The following ADAMTS18 variants were observed in gnomAD, a reference collection of about 807,000 sequenced individuals.
The protein encoded by ADAMTS18 is A disintegrin and metalloproteinase with thrombospondin motifs 18.
In ADAMTS18, 157 loss-of-function variants were observed where a neutral mutation model predicts 165.9. That is an observed-to-expected ratio of 0.95 (90% CI 0.83 to 1.08). The LOEUF (loss-of-function observed/expected upper bound fraction) is 1.08, where lower values mean the gene tolerates loss of function less well. Ranked by LOEUF, ADAMTS18 falls within the 50% of genes least tolerant of loss-of-function variation. The probability of loss-of-function intolerance (pLI) is 0.00; values close to 1 mark genes in which losing one functional copy is unlikely to be tolerated. For synonymous variants in ADAMTS18, 782 were observed against 578.2 expected (o/e 1.35, Z -5.06); for missense variants, 2,040 against 1,534.0 (o/e 1.33, Z -5.51).
At chr16:77,417,420 A>G (rs184205284) in intron 3 of ADAMTS18, among the ~76,000 whole-genome samples, 3 of 152,324 alleles carry the variant, frequency 2.0e-5, no homozygotes, top group East Asian at 3.9e-4. Flanking sequence ...CTTACCTTAT[A>G]TATTTATAAA....
At position 77,402,669 on chromosome 16, in the gene ADAMTS18, G is replaced by C. The variant is rs115053248; in HGVS notation, c.495+28626C>G. Among the ~76,000 whole-genome samples, 1,012 of 152,274 alleles carry C rather than the reference G, an allele frequency of 6.6e-3. 17 individuals are homozygous for C. Among genetic ancestry groups the C allele is most frequent in the African/African-American group, 0.023 (941 of 41,538 alleles). On this transcript the variant is annotated intron_variant, in intron 3 of 22. Coordinates refer to ENST00000282849, the MANE Select transcript of ADAMTS18 (RefSeq NM_199355.4). Reference sequence around the variant, plus strand: ...TTCCCTTCCCTCATTTGATCAACTTGAATAATTAAAGACTAATGATAGAAA... The same window carrying C: ...TTCCCTTCCCTCATTTGATCAACTTCAATAATTAAAGACTAATGATAGAAA...
At chr16:77,368,323 T>C (rs1366528023) in intron 3 of ADAMTS18, among the ~76,000 whole-genome samples, 1 of 152,192 alleles carries the variant, frequency 6.6e-6, no homozygotes, top group Non-Finnish European at 1.5e-5. Context: ...ATGGACATTC[T>C]GCTGCATTGC....
At chr16:77,358,294 G>C (rs1382882152) in intron 8 of ADAMTS18, among the ~76,000 whole-genome samples, 1 of 152,180 alleles carries the variant, frequency 6.6e-6, no homozygotes, top group Non-Finnish European at 1.5e-5. Flanking sequence ...TACTGGCACT[G>C]TCCGGGCGTG....
At position 77,431,489 on chromosome 16, in the gene ADAMTS18, A is replaced by G. The variant is rs1213044716; in HGVS notation, c.301T>C (p.Phe101Leu). Residue 101 changes from phenylalanine to leucine, a missense_variant, in exon 3 of 23, where the codon TTT (phenylalanine) becomes CTT (leucine). Coordinates refer to ENST00000282849, the MANE Select transcript of ADAMTS18 (RefSeq NM_199355.4). ...QNARSSLHYR[F>L]SAFGQELHLE... ...TGCAGTTCCTGTCCAAATGCTGAAAATCGGTAGTGCAGGGAGCTTCTGGCA... is the reference window on the plus strand; with the variant it reads ...TGCAGTTCCTGTCCAAATGCTGAAAGTCGGTAGTGCAGGGAGCTTCTGGCA... The G allele has an allele frequency of 6.2e-7, 1 of 1,614,182 alleles. No homozygotes were observed.
At chr16:77,322,218 G>T in intron 14 of ADAMTS18, 118 bp downstream of exon 14, 1 of 1,151,568 alleles carries the variant, frequency 8.7e-7, no homozygotes, top group Non-Finnish European at 1.3e-6. Flanking sequence ...TTGCTCTTTC[G>T]CTCCATGCCA....
chr16:77,289,913 C>T (rs187307204), intron 21 of ADAMTS18, among the ~76,000 whole-genome samples: 14 of 152,214 alleles, frequency 9.2e-5, no homozygotes, highest in African/African-American at 2.6e-4. Flanking sequence ...TCTTAGGAGT[C>T]GCTGATTTCA....
At chr16:77,398,171 G>C (rs577778219) in intron 3 of ADAMTS18, among the ~76,000 whole-genome samples, 10 of 152,140 alleles carry the variant, frequency 6.6e-5, no homozygotes, top group African/African-American at 2.2e-4. Context: ...ACAAAAATTA[G>C]CCGGATGTGG....
In ADAMTS18 at chr16:77,367,543, C is replaced by G. The variant is rs751825126; in HGVS notation, c.676G>C (p.Gly226Arg). 1 of 1,614,222 alleles carries G rather than the reference C, an allele frequency of 6.2e-7. No individual in the cohort carries two copies. The highest frequency in any genetic ancestry group is 1.1e-5 in the South Asian group (1 of 91,086). The change falls in exon 4 of 23, where the codon GGT (glycine) becomes CGT (arginine). Residue 226 changes from glycine (G) to arginine (R), a missense_variant. Coordinates refer to ENST00000282849, the MANE Select transcript of ADAMTS18 (RefSeq NM_199355.4). ...TGGGGAATGTGACTTGGGGAGTAAC[C>G]AGGATAATTCCGGCCAGAGCCGGGG... ...GYPGSGRNYPGYSPSHIPHAS... is the reference protein window; with the variant it reads ...GYPGSGRNYPRYSPSHIPHAS...
At chr16:77,288,531 C>T (rs1266980454) in intron 22 of ADAMTS18, among the ~76,000 whole-genome samples, 1 of 152,102 alleles carries the variant, frequency 6.6e-6, no homozygotes, top group Non-Finnish European at 1.5e-5. Flanking sequence ...TTCCATTTTC[C>T]TATCAGTACT....
At chr16:77,351,514 A>G (rs376248612) in intron 10 of ADAMTS18, among the ~76,000 whole-genome samples, 4 of 152,118 alleles carry the variant, frequency 2.6e-5, no homozygotes, top group East Asian at 3.9e-4. Flanking sequence ...AATTTTAGGA[A>G]CCTCCTTTGT....
At chr16:77,329,621 G>T (rs373074265) in intron 12 of ADAMTS18, among the ~76,000 whole-genome samples, 2 of 152,122 alleles carry the variant, frequency 1.3e-5, no homozygotes, top group South Asian at 2.1e-4. Context: ...ACCCTGTGCT[G>T]AGTATTATGT....
chr16:77,306,848 G>A (rs2055691249), intron 16 of ADAMTS18, among the ~76,000 whole-genome samples: 1 of 152,098 alleles, frequency 6.6e-6, no homozygotes, highest in African/African-American at 2.4e-5. Flanking sequence ...TAGCTAATAA[G>A]TCACAGCAAT....
chr16:77,333,877 G>C (rs1182445045), intron 12 of ADAMTS18, among the ~76,000 whole-genome samples: 1 of 95,864 alleles, frequency 1.0e-5, no homozygotes, highest in Non-Finnish European at 2.2e-5. Flanking sequence ...ATTATATATA[G>C]TATATTAGTA....
Position 77,367,440 on chromosome 16 carries a change from C to A in ADAMTS18, c.778+1G>T. The A allele has an allele frequency of 1.2e-6, 2 of 1,614,142 alleles. No homozygotes were observed. The highest frequency in any genetic ancestry group is 1.7e-6 in the Non-Finnish European group (2 of 1,180,022). The stretch of plus-strand genomic sequence containing the variant: ...GAAAAAGAAAAAGTTTCCTTACATA[C>A]ATTTCTTGCGTCGTCCACAAAAATG... On this transcript the variant is annotated splice_donor_variant, in intron 4 of 22. Coordinates refer to ENST00000282849, the MANE Select transcript of ADAMTS18 (RefSeq NM_199355.4). LOFTEE classifies it high-confidence loss of function.
chr16:77,293,009 C>A, intron 20 of ADAMTS18, 67 bp downstream of exon 20: 2 of 1,599,364 alleles, frequency 1.3e-6, no homozygotes, highest in Non-Finnish European at 1.7e-6. Flanking sequence ...TTAGTAGAGA[C>A]AGGGTTTCAC....
intron 16 of ADAMTS18, among the ~76,000 whole-genome samples, chr16:77,303,056 CTG>C (rs1339173607): frequency 1.3e-5 from 2 of 152,158 alleles, no homozygotes; most frequent in Non-Finnish European, 2.9e-5. Context: ...TTCTCTGTGT[CTG>C]TATCCGTATC....
chr16:77,397,163 C>T (rs2057269160), intron 3 of ADAMTS18, among the ~76,000 whole-genome samples: 2 of 152,044 alleles, frequency 1.3e-5, no homozygotes, highest in Admixed American at 1.3e-4. Flanking sequence ...ATTATTTCTA[C>T]ATGTAGAGTA....
intron 2 of ADAMTS18, 104 bp from the exon 3 acceptor site, chr16:77,431,715 T>C (rs2057743255): frequency 2.5e-6 from 3 of 1,194,828 alleles, no homozygotes; most frequent in Non-Finnish European, 3.7e-6. Flanking sequence ...AAGATATCTT[T>C]GTTCCTATTG....
chr16:77,393,044 C>T (rs889045860), intron 3 of ADAMTS18, among the ~76,000 whole-genome samples: 9 of 152,100 alleles, frequency 5.9e-5, no homozygotes, highest in Non-Finnish European at 1.0e-4. Flanking sequence ...AGGGTTAATG[C>T]GCTGGTCATG....
Sources: allele counts gnomAD v4.1 joint callset (sites outside exome capture counted in the v4.1 genomes callset), GRCh38; gene constraint gnomAD v4.1.1; transcripts MANE v1.5; gene names NCBI Gene and HGNC (gene_info 2026-07-23, HGNC 2026-07-21).